The following ATP2B2 variants were observed in gnomAD, a reference collection of about 807,000 sequenced individuals.
ATP2B2 encodes the protein plasma membrane calcium-transporting ATPase 2.
ATP2B2 carries 15 observed loss-of-function variants against 120.0 expected under a neutral mutation model. The ratio of observed to expected loss-of-function variants is 0.12; its 90% CI spans 0.08 to 0.19. The LOEUF (loss-of-function observed/expected upper bound fraction) is 0.19, where lower values mean the gene tolerates loss of function less well. ATP2B2 is among the 10% of genes least tolerant of loss of function. ATP2B2 has a pLI of 1.00. For synonymous variants in ATP2B2, 694 were observed against 700.3 expected, an observed-to-expected ratio of 0.99 and a Z score of 0.14; for missense variants, 1,045 against 1,719.8, an observed-to-expected ratio of 0.61 and a Z score of 6.94.
chr3:10,490,856 A>G (rs150225604), intron 1 of ATP2B2, among the ~76,000 whole-genome samples: 1 of 152,302 alleles, frequency 6.6e-6, no homozygotes, highest in East Asian at 1.9e-4. Flanking sequence ...TCTCCTTAGT[A>G]AGAAGCCTCT....
chr3:10,453,251 T>C, intron 1 of ATP2B2, among the ~76,000 whole-genome samples: 1 of 152,238 alleles, frequency 6.6e-6, no homozygotes, highest in East Asian at 1.9e-4. Context: ...CAGAGGGGAA[T>C]AGGAGTATCT....
At chr3:10,406,709 AT>A (rs2062425397) in intron 3 of ATP2B2, among the ~76,000 whole-genome samples, 1 of 152,252 alleles carries the variant, frequency 6.6e-6, no homozygotes, top group Non-Finnish European at 1.5e-5. Context: ...ACATGACTGT[AT>A]CTACTAACCA....
At chr3:10,518,450 G>C in intron 3 of ATP2B2, among the ~76,000 whole-genome samples, 1 of 152,194 alleles carries the variant, frequency 6.6e-6, no homozygotes, top group Non-Finnish European at 1.5e-5. Flanking sequence ...AGAAGGGATA[G>C]GGGAGGCATT....
At chr3:10,549,280 T>G (rs1270487567) in intron 2 of ATP2B2, among the ~76,000 whole-genome samples, 1 of 152,156 alleles carries the variant, frequency 6.6e-6, no homozygotes, top group East Asian at 1.9e-4. Context: ...TTCACCACCC[T>G]GTGCTGTACT....
At chr3:10,620,824 C>T (rs1408329185) in intron 1 of ATP2B2, among the ~76,000 whole-genome samples, 3 of 152,172 alleles carry the variant, frequency 2.0e-5, no homozygotes, top group Non-Finnish European at 4.4e-5. Context: ...ATTGGTGCAG[C>T]CCCTACCAGC....
At chr3:10,660,857 T>C (rs1213355713) in intron 1 of ATP2B2, among the ~76,000 whole-genome samples, 1 of 152,156 alleles carries the variant, frequency 6.6e-6, no homozygotes, top group East Asian at 1.9e-4. Context: ...AATAAAATAC[T>C]GGGAAACCAA....
At chr3:10,512,029 G>C (rs1279322336) in intron 3 of ATP2B2, among the ~76,000 whole-genome samples, 1 of 152,152 alleles carries the variant, frequency 6.6e-6, no homozygotes, top group African/African-American at 2.4e-5. Context: ...TGTGTGCCAG[G>C]CTCTTAACTA....
At chr3:10,406,261 A>G (rs1351609525) in intron 3 of ATP2B2, among the ~76,000 whole-genome samples, 1 of 152,196 alleles carries the variant, frequency 6.6e-6, no homozygotes, top group East Asian at 1.9e-4. Flanking sequence ...GTTTTAGGGA[A>G]AAGAATGAGA....
In ATP2B2 at chr3:10,402,705, A is replaced by C. The variant is rs2062263749; in HGVS notation, c.398-357T>G. Among the ~76,000 whole-genome samples, 1 of 152,090 alleles carries C rather than the reference A, an allele frequency of 6.6e-6. No individual in the cohort carries two copies. Among genetic ancestry groups the C allele is most frequent in the African/African-American group, 2.4e-5 (1 of 41,402 alleles). On this transcript the variant is annotated intron_variant, in intron 3 of 22. Coordinates refer to ENST00000360273, the MANE Select transcript of ATP2B2 (RefSeq NM_001001331.4). The surrounding 1 kb of genome is among the most constrained non-coding windows in gnomAD (Gnocchi z 4.9). ...GTTTTCTGCCTTGGTTCTAGCTGTG[A>C]GATCTTGGGCAAATGACTCCCTTTC...
chr3:10,494,017 TG>T (rs1438050156), intron 1 of ATP2B2, among the ~76,000 whole-genome samples: 1 of 151,860 alleles, frequency 6.6e-6, no homozygotes, highest in Non-Finnish European at 1.5e-5. Context: ...GAAGGTAGGG[TG>T]GGGACAGGCA....
rs752239299 is a variant in ATP2B2 at position 10,371,916 on chromosome 3, C to T, written c.1552G>A (p.Asp518Asn). The change falls in exon 12 of 23, where the codon GAC becomes AAC. Residue 518 changes from aspartate (D) to asparagine (N), a missense_variant. Asp to Asn is a conservative substitution (Grantham distance 23). Coordinates refer to ENST00000360273, the MANE Select transcript of ATP2B2 (RefSeq NM_001001331.4). ...RMTVVQAYVGDVHYKEIPDPS... is the reference protein window; with the variant it reads ...RMTVVQAYVGNVHYKEIPDPS... Reference sequence around the variant, plus strand: ...TCGGGGATCTCTTTATAGTGGACGTCGCCGACATAGGCCTGTACCACTGTC... The same window carrying T: ...TCGGGGATCTCTTTATAGTGGACGTTGCCGACATAGGCCTGTACCACTGTC... 54 of 1,614,022 alleles carry T rather than the reference C, an allele frequency of 3.3e-5. No individual in the cohort carries two copies. The highest frequency in any genetic ancestry group is 2.8e-4 in the Admixed American group (17 of 60,008).
intron 1 of ATP2B2, among the ~76,000 whole-genome samples, chr3:10,666,176 G>A (rs892605): frequency 0.77 from 117,231 of 152,052 alleles, 45,635 homozygotes; most frequent in African/African-American, 0.89. Context: ...AAGTGCTATC[G>A]GTTTTGGTGG....
chr3:10,527,782 G>T (rs921461119), intron 3 of ATP2B2, among the ~76,000 whole-genome samples: 1 of 152,188 alleles, frequency 6.6e-6, no homozygotes, highest in Non-Finnish European at 1.5e-5. Context: ...CGGTGTCCCC[G>T]CTGGGTTTCA....
At chr3:10,385,197 A>AG (rs1441072826) in intron 8 of ATP2B2, 71 bp downstream of exon 8, 2 of 1,479,432 alleles carry the variant, frequency 1.4e-6, no homozygotes, top group Non-Finnish European at 1.9e-6. Flanking sequence ...AAGGAAAGAA[A>AG]GCCCAAAGTT....
At chr3:10,557,083 G>A (rs2067797248) in intron 2 of ATP2B2, among the ~76,000 whole-genome samples, 1 of 152,188 alleles carries the variant, frequency 6.6e-6, no homozygotes, top group South Asian at 2.1e-4. Context: ...CCCGAGAAGT[G>A]GTTCCCTTCT....
chr3:10,431,245 C>T (rs1244599787), intron 2 of ATP2B2, among the ~76,000 whole-genome samples: 1 of 152,236 alleles, frequency 6.6e-6, no homozygotes, highest in African/African-American at 2.4e-5. Flanking sequence ...AGAGGACTGA[C>T]TCCAATTTTG....
chr3:10,441,522 G>A (rs1358413122), intron 2 of ATP2B2, among the ~76,000 whole-genome samples: 2 of 152,108 alleles, frequency 1.3e-5, no homozygotes, highest in Admixed American at 6.5e-5. Flanking sequence ...TTACTGGTGC[G>A]AGCCACTGCA....
chr3:10,700,524 G>A (rs1328313632), intron 1 of ATP2B2, among the ~76,000 whole-genome samples: 1 of 152,216 alleles, frequency 6.6e-6, no homozygotes, highest in Non-Finnish European at 1.5e-5. Flanking sequence ...GCCATGCACA[G>A]TAGGGAGACT....
At chr3:10,696,056 T>C (rs530222581) in intron 1 of ATP2B2, among the ~76,000 whole-genome samples, 9 of 152,300 alleles carry the variant, frequency 5.9e-5, no homozygotes, top group Admixed American at 2.0e-4. Flanking sequence ...GTTCTCGTCT[T>C]AACATAACAG....
Sources: gnomAD v4.1 joint callset for allele counts (sites outside exome capture counted in the v4.1 genomes callset) on GRCh38, gnomAD v4.1.1 for gene constraint, Gnocchi (gnomAD v3.1) non-coding constraint, MANE v1.5 for transcripts, NCBI Gene and HGNC (gene_info 2026-07-23, HGNC 2026-07-21) for gene names.